TEX9: variants seen among roughly 807,000 people sequenced by gnomAD.
The protein encoded by TEX9 is testis-expressed protein 9.
A neutral mutation model predicts 59.6 loss-of-function variants in TEX9; 74 were observed. The ratio of observed to expected loss-of-function variants is 1.24; its 90% confidence interval spans 1.03 to 1.51. TEX9 has a LOEUF of 1.51. TEX9 is among the 40% of genes most tolerant of loss of function. The pLI, the probability that TEX9 is intolerant of heterozygous loss-of-function variation, is 0.00. For synonymous variants in TEX9, 186 were observed against 152.2 expected, an observed-to-expected ratio of 1.22 and a Z score of -1.64; for missense variants, 522 against 447.8, an observed-to-expected ratio of 1.17 and a Z score of -1.49.
chr15:56,302,642 G>A (rs2045390140), intron 1 of TEX9, among the ~76,000 whole-genome samples: 1 of 152,040 alleles, frequency 6.6e-6, no homozygotes, highest in Non-Finnish European at 1.5e-5. Context: ...AAAGAAGGAA[G>A]GAAGAGAAGA....
At chr15:56,443,872 G>A (rs1218987928) in intron 12 of TEX9, 3 of 1,545,156 alleles carry the variant, frequency 1.9e-6, no homozygotes, top group East Asian at 2.3e-5. Context: ...GCAATAACAA[G>A]TACAGATTTA....
intron 1 of TEX9, among the ~76,000 whole-genome samples, chr15:56,350,912 T>A (rs2046566103): frequency 1.3e-5 from 2 of 152,064 alleles, no homozygotes; most frequent in South Asian, 4.2e-4. Context: ...AGAAAGGTAT[T>A]TTTAGTATGT....
At chr15:56,438,799 A>T (rs1194556695) in intron 12 of TEX9, among the ~76,000 whole-genome samples, 4 of 152,122 alleles carry the variant, frequency 2.6e-5, no homozygotes, top group Non-Finnish European at 4.4e-5. Flanking sequence ...TACAAGAAAA[A>T]ATCAAACAAC....
intron 1 of TEX9, among the ~76,000 whole-genome samples, chr15:56,267,844 G>T (rs75534403): frequency 0.044 from 6,681 of 152,232 alleles, 224 homozygotes; most frequent in Admixed American, 0.086. Context: ...CTTTAAAGTA[G>T]TTTTTTCCAA....
At chr15:56,275,721 C>A (rs1207704387) in intron 1 of TEX9, among the ~76,000 whole-genome samples, 1 of 152,088 alleles carries the variant, frequency 6.6e-6, no homozygotes, top group East Asian at 1.9e-4. Context: ...TCAACATTCC[C>A]TTATATTACC....
intron 2 of TEX9, among the ~76,000 whole-genome samples, chr15:56,366,373 C>G (rs561055500): frequency 6.6e-6 from 1 of 152,342 alleles, no homozygotes; most frequent in Admixed American, 6.5e-5. Flanking sequence ...CCCTAAAACT[C>G]TCCAGCTTCA....
chr15:56,456,595 T>C, the TEX9 span: 12 of 1,525,606 alleles, frequency 7.9e-6, no homozygotes, highest in Admixed American at 8.6e-5. Context: ...ATTTGTTTTA[T>C]AACAGAAAAC....
chr15:56,279,479 T>C (rs1299726135), intron 1 of TEX9, among the ~76,000 whole-genome samples: 5 of 152,202 alleles, frequency 3.3e-5, no homozygotes, highest in African/African-American at 9.7e-5. Context: ...AGGTATATAG[T>C]TATCTAGTCA....
At chr15:56,394,069 G>A in intron 7 of TEX9, 96 bp from the exon 8 acceptor site, 1 of 1,126,916 alleles carries the variant, frequency 8.9e-7, no homozygotes, top group East Asian at 2.6e-5. Context: ...TCCCCATCTT[G>A]AGTATTTTCT....
chr15:56,392,000 A>G (rs2048238345), intron 7 of TEX9, among the ~76,000 whole-genome samples: 1 of 152,056 alleles, frequency 6.6e-6, no homozygotes, highest in Non-Finnish European at 1.5e-5. Context: ...TAGTAAATTT[A>G]TGAGGAGCCT....
At chr15:56,349,099 T>C (rs67639563) in intron 1 of TEX9, among the ~76,000 whole-genome samples, 47,277 of 152,046 alleles carry the variant, frequency 0.31, 8,042 homozygotes, top group Middle Eastern at 0.48. Context: ...AATTCCAACA[T>C]CTGGGTCTTC....
At chr15:56,347,378 A>G (rs1486628916) in intron 1 of TEX9, among the ~76,000 whole-genome samples, 1 of 152,134 alleles carries the variant, frequency 6.6e-6, no homozygotes, top group African/African-American at 2.4e-5. Context: ...AGAGGGATGG[A>G]CACATAGATT....
At chr15:56,312,541 A>C (rs2045646768) in intron 1 of TEX9, among the ~76,000 whole-genome samples, 1 of 150,160 alleles carries the variant, frequency 6.7e-6, no homozygotes, top group East Asian at 1.9e-4. Context: ...TCTTTTGGTT[A>C]CTGTAGCCTT....
At chr15:56,269,653 C>CTTTTTTTTTTTT (rs1309147898) in intron 1 of TEX9, among the ~76,000 whole-genome samples, 1 of 131,372 alleles carries the variant, frequency 7.6e-6, no homozygotes, top group Non-Finnish European at 1.6e-5. Context: ...CTTTTCTTTT[C>CTTTTTTTTTTTT]TTTTTTTTTT....
At chr15:56,328,508 G>A (rs1175723654) in intron 1 of TEX9, among the ~76,000 whole-genome samples, 3 of 152,150 alleles carry the variant, frequency 2.0e-5, no homozygotes, top group African/African-American at 7.2e-5. Flanking sequence ...CCTGACTCTT[G>A]GATGGCATTT....
chr15:56,334,362 A>G (rs2046218312), intron 1 of TEX9, among the ~76,000 whole-genome samples: 1 of 152,198 alleles, frequency 6.6e-6, no homozygotes, highest in Non-Finnish European at 1.5e-5. Context: ...CTGTACACCT[A>G]CAGTGAACTC....
intron 2 of TEX9, among the ~76,000 whole-genome samples, chr15:56,371,328 T>C (rs1014264213): frequency 5.9e-5 from 9 of 152,208 alleles, no homozygotes; most frequent in African/African-American, 2.2e-4. Flanking sequence ...GTTCAACATA[T>C]CTGTCAAATT....
intron 1 of TEX9, among the ~76,000 whole-genome samples, chr15:56,289,631 AG>A (rs1233305845): frequency 2.8e-4 from 43 of 152,254 alleles, no homozygotes; most frequent in African/African-American, 9.6e-4. Flanking sequence ...TTGCTCTCAT[AG>A]GGGAAGTTGT....
rs371547366 is a variant in TEX9 at position 56,427,733 on chromosome 15, G to T, written c.1092G>T (p.Arg364Ser). 22 of 1,474,952 alleles carry T rather than the reference G, an allele frequency of 1.5e-5. No homozygotes were observed. The highest frequency in any genetic ancestry group is 2.5e-5 in the Admixed American group (1 of 39,224). The allele number at this position is 1,474,952 out of a possible 1,614,324, so 91.4% of individuals were successfully genotyped here. A position where few individuals can be genotyped will look rare whatever the true frequency, so the allele number is the denominator to read the frequency against. The change falls in exon 11 of 13, where the codon AGG becomes AGT. Residue 364 changes from arginine (R) to serine (S), a missense_variant. By Grantham distance (110) the Arg-to-Ser change is moderately radical. Transcript: ENST00000352903. ...TAAAATTAATTGATGTTTTAAAAAG[G>T]CAAAAGGTGAGTCTATCATTAAAGT...
Sources: allele counts gnomAD v4.1 joint callset (sites outside exome capture counted in the v4.1 genomes callset), GRCh38; gene constraint gnomAD v4.1.1; transcripts MANE v1.5; gene names NCBI Gene and HGNC (gene_info 2026-07-23, HGNC 2026-07-21).